Variants in ZSWIM2 observed in about 807,000 individuals in gnomAD.
The protein encoded by ZSWIM2 is zinc finger SWIM-type containing 2.
ZSWIM2 carries 38 observed loss-of-function variants against 48.4 expected under a neutral mutation model. The observed-to-expected ratio is 0.79, with a 90% CI of 0.61 to 1.03. ZSWIM2 has a LOEUF of 1.03. ZSWIM2 is among the 50% of genes least tolerant of loss of function. The pLI, the probability that ZSWIM2 is intolerant of heterozygous loss-of-function variation, is 0.00. For missense variants in ZSWIM2, 776 were observed against 730.2 expected (o/e 1.06, Z -0.72); for synonymous variants, 240 against 251.3 (o/e 0.96, Z 0.42).
chr2:186,828,375 G>A lies in ZSWIM2; in HGVS notation c.1511C>T (p.Ser504Leu), dbSNP rs571689055. Residue 504 changes from serine (S) to leucine (L), a missense_variant, in exon 9 of 9, where the codon TCA becomes TTA. Ser to Leu is a moderately radical substitution (Grantham distance 145, BLOSUM62 -2). Coordinates refer to ENST00000295131, the MANE Select transcript of ZSWIM2 (RefSeq NM_182521.3). ...TGTTTGAGATGGTATTTTCCCAAAT[G>A]ACACAGTGGGTAAATCTTGAAGATA... The part of the protein sequence containing the change: ...PRYLQDLPTV[S>L]FGKIPSQTLL... 57 of 1,613,740 alleles carry A rather than the reference G, an allele frequency of 3.5e-5. 1 individual carries two copies. In the South Asian group the frequency reaches 5.7e-4, roughly 16 times the overall value.
intron 3 of ZSWIM2, among the ~76,000 whole-genome samples, chr2:186,840,452 C>T (rs527714872): frequency 6.9e-6 from 1 of 145,962 alleles, no homozygotes; most frequent in East Asian, 1.9e-4. Context: ...AAGAGAAGAG[C>T]AAGACAGCTA....
Position 186,847,733 on chromosome 2 carries a change from A to C in ZSWIM2, c.228T>G (p.Cys76Trp). ...AAGTCACTTACCAGCAGATATGCTTACAAAGTTCCCCTCCTTTCGGAAATG... is the reference window on the plus strand; with the variant it reads ...AAGTCACTTACCAGCAGATATGCTTCCAAAGTTCCCCTCCTTTCGGAAATG... ...CSTFPKGGEL[C>W]KHICWVLLKK... Residue 76 changes from cysteine to tryptophan, a missense_variant, in exon 2 of 9, where the codon TGT becomes TGG. Transcript: ENST00000295131. 1 of 1,604,920 alleles carries C rather than the reference A, an allele frequency of 6.2e-7. No individual in the cohort carries two copies. The highest frequency in any genetic ancestry group is 8.5e-7 in the Non-Finnish European group (1 of 1,175,100).
In ZSWIM2 at chr2:186,847,846, G is replaced by A. The variant is rs761891086; in HGVS notation, c.166-51C>T. The A allele has an allele frequency of 6.9e-6, 9 of 1,308,392 alleles. No individual in the cohort carries two copies. The South Asian group carries it at 1.0e-4, about 15-fold the overall frequency. 81.0% of individuals were successfully genotyped at this position (1,308,392 alleles called of 1,614,324 possible). On this transcript the variant is annotated intron_variant, in intron 1 of 8. Coordinates refer to ENST00000295131, the MANE Select transcript of ZSWIM2 (RefSeq NM_182521.3). ...AAAGACCAGTAAAATTTGAGAGTTAGAGCAAAACTGAGTTAATAAAAGAGA... is the reference window on the plus strand; with the variant it reads ...AAAGACCAGTAAAATTTGAGAGTTAAAGCAAAACTGAGTTAATAAAAGAGA...
At chr2:186,848,703 G>C in intron 1 of ZSWIM2, 1 of 389,994 alleles carries the variant, frequency 2.6e-6, no homozygotes. Context: ...ACATTTTCAA[G>C]CCTAAAGATC....
chr2:186,833,932 G>A lies in ZSWIM2; in HGVS notation c.828+14C>T. On this transcript the variant is annotated intron_variant, in intron 6 of 8. Coordinates refer to ENST00000295131, the MANE Select transcript of ZSWIM2 (RefSeq NM_182521.3). ...AATAGAAACACTGTATTAGATTCAAGATGGATACTGTACCTCACGAAATGT... is the reference window on the plus strand; with the variant it reads ...AATAGAAACACTGTATTAGATTCAAAATGGATACTGTACCTCACGAAATGT... 6.2e-7 allele frequency: 1 copy of A among 1,601,216 alleles called. No homozygotes were observed. Among genetic ancestry groups the A allele is most frequent in the African/African-American group, 1.3e-5 (1 of 74,466 alleles).
intron 3 of ZSWIM2, 105 bp from the exon 4 acceptor site, chr2:186,839,274 A>T (rs1691860927): frequency 9.5e-7 from 1 of 1,052,056 alleles, no homozygotes; most frequent in African/African-American, 1.6e-5. Flanking sequence ...TATCAGAGAG[A>T]CAGTTTTGAT....
intron 3 of ZSWIM2, among the ~76,000 whole-genome samples, chr2:186,840,111 T>A (rs1225144333): frequency 6.6e-6 from 1 of 151,506 alleles, no homozygotes; most frequent in African/African-American, 2.4e-5. Flanking sequence ...GAAATCGCAG[T>A]TCCCTGTCAG....
chr2:186,832,846 T>C (rs1292766978), intron 7 of ZSWIM2, among the ~76,000 whole-genome samples: 1 of 152,068 alleles, frequency 6.6e-6, no homozygotes, highest in Non-Finnish European at 1.5e-5. Context: ...TTTTAACAAT[T>C]ATTCCCATTT....
intron 6 of ZSWIM2, among the ~76,000 whole-genome samples, chr2:186,833,671 A>G (rs1376538764): frequency 1.3e-5 from 2 of 152,174 alleles, no homozygotes; most frequent in African/African-American, 4.8e-5. Context: ...ACTAATGTTC[A>G]AGTTTGATGG....
intron 7 of ZSWIM2, among the ~76,000 whole-genome samples, chr2:186,831,198 G>C (rs886770365): frequency 1.3e-5 from 2 of 152,088 alleles, no homozygotes; most frequent in Non-Finnish European, 2.9e-5. Context: ...GAAGTATGAT[G>C]CTTGTGCAGG....
Position 186,829,757 on chromosome 2 carries a change from T to C in ZSWIM2, c.1065A>G (p.Gln355=). ...GAGTACATGGTAGCAATCTTGTATG[T>C]TGACCAAGATGAAATGCCTTCAAAC... ...LLCLKAFHLG[Q]HTRLLPCTHK... The change falls in exon 8 of 9, where the codon CAA becomes CAG. Residue 355 remains glutamine (Q), a synonymous_variant. Coordinates refer to ENST00000295131, the MANE Select transcript of ZSWIM2 (RefSeq NM_182521.3). The C allele has an allele frequency of 2.5e-6, 4 of 1,613,534 alleles. No homozygotes were observed. The South Asian group carries it at 4.4e-5, about 18-fold the overall frequency.
chr2:186,840,870 A>G (rs1024088770), intron 3 of ZSWIM2, among the ~76,000 whole-genome samples: 1 of 151,504 alleles, frequency 6.6e-6, no homozygotes, highest in Admixed American at 6.6e-5. Flanking sequence ...GCAGATTAGA[A>G]AAACATTTGA....
At chr2:186,835,353 A>G (rs916689678) in intron 5 of ZSWIM2, among the ~76,000 whole-genome samples, 6 of 152,180 alleles carry the variant, frequency 3.9e-5, no homozygotes, top group Non-Finnish European at 7.3e-5. Context: ...AAATATTCTG[A>G]GCAGTAGTCA....
At position 186,839,020 on chromosome 2, in the gene ZSWIM2, C is replaced by A. The variant is rs1325735645; in HGVS notation, c.433G>T (p.Asp145Tyr). Reference protein sequence around the residue: ...YIKQKEIDSEDICSICQELLL... With the variant: ...YIKQKEIDSEYICSICQELLL... ...AGCTCTTGACAAATAGAGCAGATAT[C>A]CTCTGAATCAATTTCCTTCTGTTTA... The change falls in exon 4 of 9, where the codon GAT becomes TAT. Residue 145 changes from aspartate to tyrosine, a missense_variant. By Grantham distance (160) the Asp-to-Tyr change is radical. Coordinates refer to ENST00000295131, the MANE Select transcript of ZSWIM2 (RefSeq NM_182521.3). 1 of 1,611,390 alleles carries A rather than the reference C, an allele frequency of 6.2e-7. No homozygotes were observed. Among genetic ancestry groups the A allele is most frequent in the Non-Finnish European group, 8.5e-7 (1 of 1,178,294 alleles).
chr2:186,837,502 A>T lies in ZSWIM2; in HGVS notation c.547T>A (p.Tyr183Asn). ...ATGGAAGTGTTTGATGTACTCTGAT[A>T]ATTAGCTAAGATCTTCATGCATTTT... ...HIKCMKILAN[Y>N]QSTSNTSMLK... Residue 183 changes from tyrosine (Y) to asparagine (N), a missense_variant, in exon 5 of 9, where the codon TAT becomes AAT. Transcript: ENST00000295131. 6.2e-7 allele frequency: 1 copy of T among 1,611,970 alleles called. No individual in the cohort carries two copies. The highest frequency in any genetic ancestry group is 8.5e-7 in the Non-Finnish European group (1 of 1,178,692).
rs1574136377 is a variant in ZSWIM2, at chr2:186,829,713, G to C, written c.1095+14C>G. 3 of 1,601,302 alleles carry C rather than the reference G, an allele frequency of 1.9e-6. No homozygotes were observed. The East Asian group carries it at 6.7e-5, about 36-fold the overall frequency. ...CCTACAGGGAAAGTAAAACTAAAAT[G>C]ATGTGACTTTTACCTTGTGAGTACA... On this transcript the variant is annotated intron_variant, in intron 8 of 8. Coordinates refer to ENST00000295131, the MANE Select transcript of ZSWIM2 (RefSeq NM_182521.3).
chr2:186,831,991 T>A (rs139026551), intron 7 of ZSWIM2, among the ~76,000 whole-genome samples: 4,321 of 152,198 alleles, frequency 0.028, 202 homozygotes, highest in African/African-American at 0.098. Context: ...AACCTGCACG[T>A]TGTGCACATG....
At chr2:186,838,665 A>G (rs7581809) in intron 4 of ZSWIM2, among the ~76,000 whole-genome samples, 21,509 of 147,544 alleles carry the variant, frequency 0.15, 2,463 homozygotes, top group African/African-American at 0.32. Context: ...ATATACACAC[A>G]CATATATATG....
At chr2:186,837,744 TC>T (rs1192436230) in intron 4 of ZSWIM2, among the ~76,000 whole-genome samples, 190 bp from the exon 5 acceptor site, 1 of 150,542 alleles carries the variant, frequency 6.6e-6, no homozygotes, top group Non-Finnish European at 1.5e-5. Flanking sequence ...ACTCACTCAT[TC>T]TAGTAATCTA....
Sources: allele counts gnomAD v4.1 joint callset (sites outside exome capture counted in the v4.1 genomes callset), GRCh38; gene constraint gnomAD v4.1.1; transcripts MANE v1.5; gene names NCBI Gene and HGNC (gene_info 2026-07-23, HGNC 2026-07-21).